Variants in GPR158 observed in about 807,000 individuals in gnomAD.
GPR158 encodes the protein metabotropic glycine receptor.
Under a neutral mutation model 78.2 loss-of-function variants are expected in GPR158, and 30 were observed. That is an observed-to-expected ratio of 0.38 (90% CI 0.29 to 0.52). GPR158 has a LOEUF of 0.52. GPR158 is among the 20% of genes least tolerant of loss of function. GPR158 has a pLI of 0.83. For missense variants in GPR158, 1,463 were observed against 1,523.5 expected (o/e 0.96, Z 0.66); for synonymous variants, 581 against 591.1 (o/e 0.98, Z 0.25).
At chr10:25,580,492 G>A (rs1010231847) in intron 7 of GPR158, among the ~76,000 whole-genome samples, 1 of 152,036 alleles carries the variant, frequency 6.6e-6, no homozygotes, top group Non-Finnish European at 1.5e-5. Flanking sequence ...TTCTAAAATA[G>A]CAATTGTTTT....
chr10:25,309,604 G>T lies in GPR158; in HGVS notation c.1009-86307G>T, dbSNP rs550352896. The stretch of plus-strand genomic sequence containing the variant: ...ACCTTTACAGCTTTTGATATGATTT[G>T]GCTGTGTCCCCACCCAAATCTAATC... On this transcript the variant is annotated intron_variant, in intron 2 of 10. Transcript: ENST00000376351. 6.6e-5 allele frequency among the ~76,000 whole-genome samples: 10 copies of T among 151,706 alleles called. No homozygotes were observed. The South Asian group carries it at 2.1e-3, about 32-fold the overall frequency.
chr10:25,265,459 G>C (rs1300384828), intron 2 of GPR158, among the ~76,000 whole-genome samples: 2 of 152,110 alleles, frequency 1.3e-5, no homozygotes, highest in African/African-American at 4.8e-5. Context: ...TAATAGAAAG[G>C]AGACTTTTTT....
At chr10:25,371,427 G>A (rs184794708) in intron 2 of GPR158, among the ~76,000 whole-genome samples, 2 of 151,684 alleles carry the variant, frequency 1.3e-5, no homozygotes, top group African/African-American at 2.4e-5. Flanking sequence ...AACAAAGCTG[G>A]AGGCATCATG....
At chr10:25,542,549 G>A (rs886212036) in intron 5 of GPR158, among the ~76,000 whole-genome samples, 2 of 152,094 alleles carry the variant, frequency 1.3e-5, no homozygotes, top group African/African-American at 4.8e-5. Flanking sequence ...TGGGCCAGGC[G>A]CAGTGGCTCA....
intron 2 of GPR158, among the ~76,000 whole-genome samples, chr10:25,338,484 ACG>A (rs1855251441): frequency 5.3e-5 from 7 of 133,126 alleles, no homozygotes; most frequent in African/African-American, 9.2e-5. Flanking sequence ...CGTATAATAT[ACG>A]TATAATATAC....
At chr10:25,314,756 G>A (rs908572038) in intron 2 of GPR158, among the ~76,000 whole-genome samples, 3 of 148,000 alleles carry the variant, frequency 2.0e-5, no homozygotes, top group East Asian at 2.0e-4. Context: ...TCAAGTTTAC[G>A]ACTATAAATT....
intron 2 of GPR158, among the ~76,000 whole-genome samples, chr10:25,234,110 A>AG (rs1173540534): frequency 6.6e-6 from 1 of 152,158 alleles, no homozygotes; most frequent in Middle Eastern, 3.2e-3. Context: ...AAGAGTGTAA[A>AG]GGGGTCCCAA....
At chr10:25,538,299 T>C (rs898686475) in intron 5 of GPR158, among the ~76,000 whole-genome samples, 1 of 152,168 alleles carries the variant, frequency 6.6e-6, no homozygotes, top group African/African-American at 2.4e-5. Context: ...TAAATTATAC[T>C]TTAAGTTCTA....
intron 5 of GPR158, among the ~76,000 whole-genome samples, chr10:25,501,972 A>G (rs1835950362): frequency 6.6e-6 from 1 of 152,056 alleles, no homozygotes; most frequent in Non-Finnish European, 1.5e-5. Context: ...CTCTCCCTAC[A>G]TACACCATAC....
In GPR158 at chr10:25,598,270, G is replaced by T. The variant is rs141827771; in HGVS notation, c.2644G>T (p.Ala882Ser). ...GCCGTTGGTGTGCAAGTCAGCAAGC[G>T]CTCACAACCTCAGCTCAGAGAAGAA... ...SVPLVCKSASAHNLSSEKKTG... is the reference protein window; with the variant it reads ...SVPLVCKSASSHNLSSEKKTG... The change falls in exon 11 of 11, where the codon GCT becomes TCT. Residue 882 changes from alanine (A) to serine (S), a missense_variant. By Grantham distance (99) the Ala-to-Ser change is moderately conservative. Coordinates refer to ENST00000376351, the MANE Select transcript of GPR158 (RefSeq NM_020752.3). 1 of 1,614,042 alleles carries T rather than the reference G, an allele frequency of 6.2e-7. No homozygotes were observed. The highest frequency in any genetic ancestry group is 8.5e-7 in the Non-Finnish European group (1 of 1,180,024).
chr10:25,439,985 C>T (rs1432816374), intron 4 of GPR158, among the ~76,000 whole-genome samples: 2 of 152,162 alleles, frequency 1.3e-5, no homozygotes, highest in Non-Finnish European at 2.9e-5. Context: ...GAAATCAGAG[C>T]TCCATCTTAT....
intron 4 of GPR158, among the ~76,000 whole-genome samples, chr10:25,432,101 A>G (rs1564454147): frequency 6.6e-6 from 1 of 152,212 alleles, no homozygotes; most frequent in Non-Finnish European, 1.5e-5. Context: ...ATATCTTTAT[A>G]TAGTAGCAAG....
At chr10:25,560,334 C>T (rs9417429) in intron 6 of GPR158, among the ~76,000 whole-genome samples, 2,697 of 152,258 alleles carry the variant, frequency 0.018, 38 homozygotes, top group South Asian at 0.055. Context: ...GGCGTGATCT[C>T]GGCTCACTGC....
chr10:25,577,670 C>A (rs1837121401), intron 7 of GPR158, among the ~76,000 whole-genome samples: 2 of 152,086 alleles, frequency 1.3e-5, no homozygotes, highest in African/African-American at 2.4e-5. Flanking sequence ...ATTTTCCTAA[C>A]ACAAGTGTTT....
At chr10:25,338,105 A>G (rs1319015643) in intron 2 of GPR158, among the ~76,000 whole-genome samples, 1 of 151,754 alleles carries the variant, frequency 6.6e-6, no homozygotes, top group Admixed American at 6.6e-5. Context: ...CTTTGTAGAA[A>G]AAAAGGTTTT....
At chr10:25,572,566 T>A in intron 6 of GPR158, 83 bp from the exon 7 acceptor site, 1 of 943,486 alleles carries the variant, frequency 1.1e-6, no homozygotes, top group Non-Finnish European at 1.7e-6. Context: ...GGGTTTACAT[T>A]TTACCTAGAA....
At chr10:25,341,853 CA>C (rs1035115670) in intron 2 of GPR158, among the ~76,000 whole-genome samples, 6 of 147,358 alleles carry the variant, frequency 4.1e-5, no homozygotes, top group South Asian at 2.1e-4. Context: ...AAAACAAAAA[CA>C]AAAAAAAACA....
intron 4 of GPR158, among the ~76,000 whole-genome samples, chr10:25,444,532 AGT>A (rs1206108342): frequency 4.8e-5 from 7 of 144,772 alleles, no homozygotes; most frequent in East Asian, 2.1e-4. Flanking sequence ...TGTGTGTGGA[AGT>A]GTGTGTGTGG....
intron 4 of GPR158, among the ~76,000 whole-genome samples, chr10:25,452,214 A>ATG (rs1231477879): frequency 6.6e-6 from 1 of 150,734 alleles, no homozygotes; most frequent in African/African-American, 2.5e-5. Context: ...CCTTTTAAAT[A>ATG]TATATATATA....
Sources: gnomAD v4.1 joint callset for allele counts (sites outside exome capture counted in the v4.1 genomes callset) on GRCh38, gnomAD v4.1.1 for gene constraint, MANE v1.5 for transcripts, NCBI Gene and HGNC (gene_info 2026-07-23, HGNC 2026-07-21) for gene names.